DNAH10: variants seen among roughly 807,000 people sequenced by gnomAD.
The protein encoded by DNAH10 is dynein axonemal heavy chain 10.
In DNAH10, 348 loss-of-function variants were observed where a neutral mutation model predicts 506.6. The observed-to-expected ratio is 0.69, with a 90% CI of 0.63 to 0.75. DNAH10 has a LOEUF of 0.75. Among genes scored for constraint, DNAH10 ranks in the 30% least tolerant of loss-of-function variants. The pLI is 0.00. For synonymous variants in DNAH10, 2,059 were observed against 2,198.6 expected (o/e 0.94, Z 1.78); for missense variants, 5,179 against 5,787.1 (o/e 0.89, Z 3.41).
Position 123,908,596 on chromosome 12 carries a change from C to T in DNAH10, c.9816-665C>T, listed in dbSNP as rs115160522. 3,429 of 455,530 alleles carry T rather than the reference C, an allele frequency of 7.5e-3. 99 individuals carry two copies. Among genetic ancestry groups the T allele is most frequent in the African/African-American group, 0.061 (3,047 of 50,154 alleles). The allele number at this position is 455,530 out of a possible 1,614,324, so 28.2% of individuals were successfully genotyped here. A position where few individuals can be genotyped will look rare whatever the true frequency, so the allele number is the denominator to read the frequency against. ...GTTCCTTCTCTGGCCTTTGTACCAG[C>T]GCTGCTGTTCTGTCTCCTGTTCCGT... On this transcript the variant is annotated intron_variant, in intron 57 of 78. Transcript: ENST00000673944.
At chr12:123,774,623 C>T (rs903345414) in intron 5 of DNAH10, among the ~76,000 whole-genome samples, 1 of 152,090 alleles carries the variant, frequency 6.6e-6, no homozygotes, top group Admixed American at 6.6e-5. Flanking sequence ...AGGGATGGGC[C>T]GAATTAAAGA....
chr12:123,906,197 G>T (rs573278752), intron 57 of DNAH10, among the ~76,000 whole-genome samples: 1 of 151,822 alleles, frequency 6.6e-6, no homozygotes, highest in Non-Finnish European at 1.5e-5. Flanking sequence ...CTCCCAAAGT[G>T]CTGGGATTAC....
chr12:123,908,189 CCT>C, intron 57 of DNAH10: 2 of 381,766 alleles, frequency 5.2e-6, no homozygotes, highest in South Asian at 3.8e-5. Flanking sequence ...CTGTCTCCTC[CCT>C]GTCTCTCTGT....
chr12:123,853,454 G>C lies in DNAH10; in HGVS notation c.6438+102G>C. The C allele has an allele frequency of 7.1e-7, 1 of 1,400,334 alleles. No homozygotes were observed. The highest frequency in any genetic ancestry group is 9.4e-7 in the Non-Finnish European group (1 of 1,063,150). The allele number at this position is 1,400,334 out of a possible 1,614,324, so 86.7% of individuals were successfully genotyped here. A position where few individuals can be genotyped will look rare whatever the true frequency, so the allele number is the denominator to read the frequency against. ...GGCACAGTATGGTATCACCTGAAAGGTTTAAGTCTTAGCTGCCTCTTCACC... is the reference window on the plus strand; with the variant it reads ...GGCACAGTATGGTATCACCTGAAAGCTTTAAGTCTTAGCTGCCTCTTCACC... On this transcript the variant is annotated intron_variant, in intron 36 of 78. Transcript: ENST00000673944. The surrounding 1 kb of genome is among the most constrained non-coding windows in gnomAD (Gnocchi z 4.7).
At chr12:123,835,579 A>C (rs549334087) in intron 28 of DNAH10, 51 bp downstream of exon 28, 1 of 1,575,878 alleles carries the variant, frequency 6.3e-7, no homozygotes, top group Non-Finnish European at 8.6e-7. Context: ...GCGATTTGAG[A>C]TATTTGTACC....
intron 17 of DNAH10, 65 bp downstream of exon 17, chr12:123,803,890 A>C: frequency 7.1e-7 from 1 of 1,415,110 alleles, no homozygotes; most frequent in South Asian, 1.3e-5. Context: ...ATATACATAC[A>C]TGTGTATATA....
rs529410104 is a variant in DNAH10 at position 123,898,657 on chromosome 12, G to A, written c.9483G>A (p.Gln3161=). Residue 3161 remains glutamine (Q), a synonymous_variant, in exon 56 of 79, where the codon CAG becomes CAA. Coordinates refer to ENST00000673944, the MANE Select transcript of DNAH10 (RefSeq NM_001372106.1). The part of the protein sequence containing the change: ...LDEKTQCNIA[Q]CKRLDGGLDK... ...ATAGGTGCCCTCTTTCCTCAGCTCA[G>A]TGCAAGCGTCTGGATGGGGGACTGG... 128 of 1,576,842 alleles carry A rather than the reference G, an allele frequency of 8.1e-5. No individual in the cohort carries two copies. The South Asian group carries it at 1.4e-3, about 17-fold the overall frequency.
chr12:123,867,358 A>T, intron 41 of DNAH10, 109 bp from the exon 42 acceptor site: 1 of 1,209,122 alleles, frequency 8.3e-7, no homozygotes, highest in Non-Finnish European at 1.1e-6. Context: ...CAAATGTATC[A>T]TTCATCAGAA....
chr12:123,884,438 C>T (rs1952642124), intron 51 of DNAH10, among the ~76,000 whole-genome samples: 1 of 152,168 alleles, frequency 6.6e-6, no homozygotes, highest in African/African-American at 2.4e-5. Flanking sequence ...CGTTTCTCAC[C>T]ATTCTGGAGG....
chr12:123,908,180 T>G (rs1953890372), intron 57 of DNAH10: 1 of 364,208 alleles, frequency 2.7e-6, no homozygotes, highest in Non-Finnish European at 5.4e-6. Flanking sequence ...CCTGTCTCTC[T>G]GTCTCCTCCC....
rs754402512 is a variant in DNAH10 at position 123,771,646 on chromosome 12, A to G, written c.344A>G (p.Asn115Ser). ...ACCGAATCTCTAGGCCAACCTCTAA[A>G]CAGAGAGGATGAAGAAATGGACAAA... Reference protein sequence around the residue: ...LRTESLGQPLNREDEEMDKEI... With the variant: ...LRTESLGQPLSREDEEMDKEI... The change falls in exon 3 of 79, where the codon AAC becomes AGC. Residue 115 changes from asparagine (N) to serine (S), a missense_variant. Asn to Ser is a conservative substitution (Grantham distance 46, BLOSUM62 1). This residue lies in a region of DNAH10 where 326 missense variants were observed against 330.8 expected (regional missense o/e 0.99). Coordinates refer to ENST00000673944, the MANE Select transcript of DNAH10 (RefSeq NM_001372106.1). 29 of 1,613,584 alleles carry G rather than the reference A, an allele frequency of 1.8e-5. No individual in the cohort carries two copies. Among genetic ancestry groups the G allele is most frequent in the Non-Finnish European group, 2.5e-5 (29 of 1,179,804 alleles).
intron 43 of DNAH10, 132 bp downstream of exon 43, chr12:123,868,251 C>T (rs1951890532): frequency 3.6e-6 from 3 of 831,294 alleles, no homozygotes; most frequent in Admixed American, 5.4e-5. Flanking sequence ...GAGAAACATG[C>T]AATGGTCAGA....
At chr12:123,837,523 G>A (rs1042645393) in intron 28 of DNAH10, among the ~76,000 whole-genome samples, 4 of 151,238 alleles carry the variant, frequency 2.6e-5, no homozygotes, top group African/African-American at 9.7e-5. Flanking sequence ...ATTTATTCCT[G>A]CATAAACATA....
intron 5 of DNAH10, among the ~76,000 whole-genome samples, chr12:123,780,863 C>T (rs892901955): frequency 4.1e-5 from 6 of 147,528 alleles, no homozygotes; most frequent in Non-Finnish European, 7.4e-5. Context: ...GCAGGAGAAT[C>T]GCTTGCACTG....
At chr12:123,900,630 C>T (rs1953477197) in intron 56 of DNAH10, among the ~76,000 whole-genome samples, 1 of 152,216 alleles carries the variant, frequency 6.6e-6, no homozygotes, top group South Asian at 2.1e-4. Context: ...AACTCTGTTT[C>T]CAGGGTTGCA....
At chr12:123,772,971 T>C (rs778561918) in intron 4 of DNAH10, 29 bp downstream of exon 4, 61 of 1,503,684 alleles carry the variant, frequency 4.1e-5, no homozygotes, top group Non-Finnish European at 5.6e-5. Context: ...TGTGTGTATG[T>C]GTGTTGAGGG....
At chr12:123,889,579 C>T (rs565139543) in intron 52 of DNAH10, among the ~76,000 whole-genome samples, 160 of 152,192 alleles carry the variant, frequency 1.1e-3, no homozygotes, top group African/African-American at 3.6e-3. Context: ...TGGTAAGTGC[C>T]GTGAGTGCAA....
chr12:123,850,811 C>G lies in DNAH10; in HGVS notation c.6103-77C>G, dbSNP rs557830582. The G allele has an allele frequency of 6.8e-7, 1 of 1,462,874 alleles. No individual in the cohort carries two copies. The highest frequency in any genetic ancestry group is 1.4e-5 in the African/African-American group (1 of 70,930). 90.6% of individuals were successfully genotyped at this position (1,462,874 alleles called of 1,614,324 possible). ...TGAAAATGAATCGCCACGCAGCTCG[C>G]CGCAGGCCCCCTTTCCAAGGGGCTG... On this transcript the variant is annotated intron_variant, in intron 34 of 78. Coordinates refer to ENST00000673944, the MANE Select transcript of DNAH10 (RefSeq NM_001372106.1). This position sits in a 1 kb window ranked among gnomAD's most constrained non-coding sequence, Gnocchi z 5.5.
chr12:123,934,895 G>A (rs1456751768), intron 78 of DNAH10, 129 bp downstream of exon 78: 5 of 1,263,132 alleles, frequency 4.0e-6, no homozygotes, highest in Non-Finnish European at 4.3e-6. Context: ...GCTGGGGAGA[G>A]TCTTGGAGCC....
Sources: allele counts gnomAD v4.1 joint callset (sites outside exome capture counted in the v4.1 genomes callset), GRCh38; gene constraint gnomAD v4.1.1; regional missense constraint gnomAD v4.1.1; non-coding constraint Gnocchi (gnomAD v3.1); transcripts MANE v1.5; gene names NCBI Gene and HGNC (gene_info 2026-07-23, HGNC 2026-07-21).